CSMD2: variants seen among roughly 807,000 people sequenced by gnomAD.
The protein encoded by CSMD2 is CUB and Sushi multiple domains 2, also known as CUB and sushi domain-containing protein 2.
A neutral mutation model predicts 398.5 loss-of-function variants in CSMD2; 130 were observed. The observed-to-expected ratio is 0.33, with a 90% CI of 0.28 to 0.38. The LOEUF (loss-of-function observed/expected upper bound fraction) is 0.38, where lower values mean the gene tolerates loss of function less well. Ranked by LOEUF, CSMD2 falls within the 10% of genes least tolerant of loss-of-function variation. The pLI is 1.00. For synonymous variants in CSMD2, 1,828 were observed against 1,908.5 expected (o/e 0.96, Z 1.10); for missense variants, 3,829 against 4,764.9 (o/e 0.80, Z 5.78).
At chr1:33,823,686 A>T (rs1658441299) in intron 7 of CSMD2, among the ~76,000 whole-genome samples, 1 of 152,184 alleles carries the variant, frequency 6.6e-6, no homozygotes, top group Non-Finnish European at 1.5e-5. Context: ...ATTTGGGCAG[A>T]ACACAGGAGG....
At chr1:34,131,317 T>C (rs547619285) in intron 1 of CSMD2, among the ~76,000 whole-genome samples, 3 of 152,182 alleles carry the variant, frequency 2.0e-5, no homozygotes, top group Non-Finnish European at 4.4e-5. Context: ...AAAGTCAAAG[T>C]TCTGTCTGCT....
At chr1:33,715,116 G>T (rs1646125639) in intron 20 of CSMD2, among the ~76,000 whole-genome samples, 1 of 152,158 alleles carries the variant, frequency 6.6e-6, no homozygotes, top group Admixed American at 6.5e-5. Context: ...GATTTCTGAG[G>T]ATCCTCAGGA....
intron 12 of CSMD2, among the ~76,000 whole-genome samples, chr1:33,779,522 T>C (rs540479457): frequency 6.6e-6 from 1 of 152,352 alleles, no homozygotes; most frequent in East Asian, 1.9e-4. Context: ...CTCAGTGTTA[T>C]TGTCGCTGCT....
chr1:33,792,149 C>T (rs1654398550), intron 11 of CSMD2, among the ~76,000 whole-genome samples: 1 of 152,144 alleles, frequency 6.6e-6, no homozygotes, highest in Non-Finnish European at 1.5e-5. Context: ...TGGAAGGCTC[C>T]AGGTTCATCC....
intron 2 of CSMD2, among the ~76,000 whole-genome samples, chr1:34,079,997 G>T (rs1457302528): frequency 6.6e-6 from 1 of 151,610 alleles, no homozygotes; most frequent in East Asian, 1.9e-4. Context: ...TGTGTATATT[G>T]TGCTAAGAAC....
intron 3 of CSMD2, among the ~76,000 whole-genome samples, chr1:33,965,772 A>G (rs972972397): frequency 3.3e-5 from 5 of 152,212 alleles, no homozygotes; most frequent in African/African-American, 1.2e-4. Context: ...AGAGCATAAT[A>G]CCATGCATAG....
At position 33,601,004 on chromosome 1, in the gene CSMD2, C is replaced by A; in HGVS notation, c.6717G>T (p.Gly2239=). The stretch of plus-strand genomic sequence containing the variant: ...CGAGCCGTGGTGCTGTTTGCTGTGG[C>A]CCATCCCTGTACACAGGAAACAAGG... ...PSGDFITIWD[G]PQQTAPRLGV... The change falls in exon 44 of 71, where the codon GGG becomes GGT. Residue 2239 remains glycine, a synonymous_variant. Coordinates refer to ENST00000373381, the MANE Select transcript of CSMD2 (RefSeq NM_001281956.2). 3.1e-6 allele frequency: 5 copies of A among 1,614,154 alleles called. No homozygotes were observed. Among genetic ancestry groups the A allele is most frequent in the Non-Finnish European group, 4.2e-6 (5 of 1,180,034 alleles).
In CSMD2 at chr1:33,946,986, G is replaced by A. The variant is rs551974491; in HGVS notation, c.518-11032C>T. ...GTTTTCTGTTTGTCTGGGTCAGAATGACCCTCAGGCTTTGGGAGGTTTATG... is the reference window on the plus strand; with the variant it reads ...GTTTTCTGTTTGTCTGGGTCAGAATAACCCTCAGGCTTTGGGAGGTTTATG... On this transcript the variant is annotated intron_variant, in intron 3 of 70. Transcript: ENST00000373381. 2.0e-5 allele frequency among the ~76,000 whole-genome samples: 3 copies of A among 152,252 alleles called. No individual in the cohort carries two copies. In the East Asian group the frequency reaches 5.8e-4, roughly 29 times the overall value.
At chr1:34,123,389 C>A (rs1349121462) in intron 1 of CSMD2, among the ~76,000 whole-genome samples, 1 of 152,000 alleles carries the variant, frequency 6.6e-6, no homozygotes, top group African/African-American at 2.4e-5. Context: ...AAGCCCCTCC[C>A]CCTACACCTT....
At chr1:33,840,652 G>A (rs1660759905) in intron 6 of CSMD2, among the ~76,000 whole-genome samples, 1 of 152,202 alleles carries the variant, frequency 6.6e-6, no homozygotes, top group African/African-American at 2.4e-5. Flanking sequence ...GTCAAAAGGA[G>A]TGGGTTACGC....
At chr1:33,932,390 T>C (rs772988557) in intron 4 of CSMD2, among the ~76,000 whole-genome samples, 1 of 151,906 alleles carries the variant, frequency 6.6e-6, no homozygotes, top group Non-Finnish European at 1.5e-5. Context: ...TTAAGGGGAA[T>C]GAGGGTGGAA....
intron 3 of CSMD2, among the ~76,000 whole-genome samples, chr1:33,965,699 G>A (rs751582371): frequency 6.6e-6 from 1 of 152,126 alleles, no homozygotes; most frequent in Non-Finnish European, 1.5e-5. Context: ...AGGGCACAGT[G>A]CTGGATGAAA....
chr1:33,575,725 G>A (rs752141036), intron 49 of CSMD2, among the ~76,000 whole-genome samples: 1 of 152,206 alleles, frequency 6.6e-6, no homozygotes. Flanking sequence ...AGTTAGAGAC[G>A]CAGAGACCAA....
chr1:33,765,909 C>T (rs1163060670), intron 13 of CSMD2, among the ~76,000 whole-genome samples: 3 of 152,216 alleles, frequency 2.0e-5, no homozygotes, highest in African/African-American at 7.2e-5. Flanking sequence ...CCATGTCCCT[C>T]CTAGACAGGG....
At chr1:33,629,839 T>G in intron 32 of CSMD2, among the ~76,000 whole-genome samples, 1 of 151,890 alleles carries the variant, frequency 6.6e-6, no homozygotes, top group East Asian at 1.9e-4. Context: ...ACCTCCCGGG[T>G]TCAAGTGATT....
intron 37 of CSMD2, among the ~76,000 whole-genome samples, chr1:33,618,450 T>C (rs1264650385): frequency 6.6e-6 from 1 of 152,142 alleles, no homozygotes; most frequent in East Asian, 1.9e-4. Flanking sequence ...AACTTTCTCA[T>C]CCTGATGTTC....
At chr1:33,928,498 A>T (rs905051365) in intron 4 of CSMD2, among the ~76,000 whole-genome samples, 6 of 152,190 alleles carry the variant, frequency 3.9e-5, no homozygotes, top group Non-Finnish European at 8.8e-5. Context: ...CTCACTGCCA[A>T]CTTATGAGTT....
chr1:34,129,128 C>T (rs1663064876), intron 1 of CSMD2, among the ~76,000 whole-genome samples: 1 of 152,148 alleles, frequency 6.6e-6, no homozygotes, highest in Non-Finnish European at 1.5e-5. Context: ...CCCGCTGCCA[C>T]CCCCTCCCTC....
chr1:33,739,223 A>G lies in CSMD2; in HGVS notation c.2285T>C (p.Leu762Pro), dbSNP rs1374485779. 6.2e-7 allele frequency: 1 copy of G among 1,614,214 alleles called. No homozygotes were observed. The highest frequency in any genetic ancestry group is 2.2e-5 in the East Asian group (1 of 44,870). The change falls in exon 15 of 71, where the codon CTT (leucine) becomes CCT (proline). Residue 762 changes from leucine to proline, a missense_variant. Around this residue, in one of 5 missense-constraint regions of CSMD2, gnomAD observed 2,001 missense variants for 2,567.1 expected, o/e 0.78. Coordinates refer to ENST00000373381, the MANE Select transcript of CSMD2 (RefSeq NM_001281956.2). Reference protein sequence around the residue: ...SISFLCDEGFLGTQGSETITC... With the variant: ...SISFLCDEGFPGTQGSETITC... ...GATGGTCTCTGAGCCCTGAGTCCCAAGGAAGCCTTCATCACAGAGGAAGGA... is the reference window on the plus strand; with the variant it reads ...GATGGTCTCTGAGCCCTGAGTCCCAGGGAAGCCTTCATCACAGAGGAAGGA...
Sources: gnomAD v4.1 joint callset for allele counts (sites outside exome capture counted in the v4.1 genomes callset) on GRCh38, gnomAD v4.1.1 for gene constraint, gnomAD v4.1.1 regional missense constraint, MANE v1.5 for transcripts, NCBI Gene and HGNC (gene_info 2026-07-23, HGNC 2026-07-21) for gene names.